Variants in WDR49 observed in about 807,000 individuals in gnomAD.
WDR49 encodes the protein cilia- and flagella-associated protein 337.
In WDR49, 107 loss-of-function variants were observed where a neutral mutation model predicts 119.5. The ratio of observed to expected loss-of-function variants is 0.90; its 90% CI spans 0.77 to 1.05. The LOEUF (loss-of-function observed/expected upper bound fraction) is 1.05. WDR49 is among the 50% of genes least tolerant of loss of function. The pLI, the probability that WDR49 is intolerant of heterozygous loss-of-function variation, is 0.00. For synonymous variants in WDR49, 425 were observed against 418.8 expected (o/e 1.01, Z -0.18); for missense variants, 1,240 against 1,220.5 (o/e 1.02, Z -0.24).
chr3:167,609,767 C>T (rs916602219), intron 5 of WDR49, among the ~76,000 whole-genome samples: 8 of 152,160 alleles, frequency 5.3e-5, no homozygotes, highest in South Asian at 2.1e-4. Context: ...GCACAGCTCA[C>T]GGCTCCAAAA....
chr3:167,613,191 C>T (rs1324366227), intron 5 of WDR49, among the ~76,000 whole-genome samples: 1 of 152,130 alleles, frequency 6.6e-6, no homozygotes, highest in Non-Finnish European at 1.5e-5. Context: ...TGTATCCACA[C>T]ACACAAGAAA....
chr3:167,560,269 C>A, intron 8 of WDR49, 41 bp from the exon 9 acceptor site: 1 of 1,561,230 alleles, frequency 6.4e-7, no homozygotes. Context: ...AATATAGTCT[C>A]AGAATCAACC....
At chr3:167,599,059 G>A (rs116502977) in intron 7 of WDR49, among the ~76,000 whole-genome samples, 2 of 152,102 alleles carry the variant, frequency 1.3e-5, no homozygotes, top group Non-Finnish European at 2.9e-5. Context: ...ACTGGGTCTT[G>A]CCAAAAGCCT....
intron 10 of WDR49, among the ~76,000 whole-genome samples, chr3:167,537,664 G>A (rs891986897): frequency 1.3e-5 from 2 of 152,086 alleles, no homozygotes; most frequent in Admixed American, 1.3e-4. Context: ...GACAGGATGG[G>A]CAAAGAATGA....
chr3:167,487,839 CCAGT>C (rs1215714798), intron 18 of WDR49, among the ~76,000 whole-genome samples: 7 of 151,920 alleles, frequency 4.6e-5, no homozygotes, highest in Non-Finnish European at 1.0e-4. Flanking sequence ...CCTTCTCACA[CCAGT>C]CAAAATGGCT....
chr3:167,644,490 A>G (rs147765943), intron 2 of WDR49, among the ~76,000 whole-genome samples: 1 of 152,218 alleles, frequency 6.6e-6, no homozygotes, highest in Non-Finnish European at 1.5e-5. Flanking sequence ...CTGAACATCA[A>G]ATCTTGGGCA....
intron 3 of WDR49, among the ~76,000 whole-genome samples, chr3:167,624,381 A>C (rs1717025613): frequency 6.6e-6 from 1 of 151,910 alleles, no homozygotes; most frequent in Non-Finnish European, 1.5e-5. Flanking sequence ...GAGTACACAC[A>C]GTATGGTACC....
At chr3:167,652,204 A>C (rs1272798790) in intron 2 of WDR49, among the ~76,000 whole-genome samples, 1 of 152,186 alleles carries the variant, frequency 6.6e-6, no homozygotes, top group Non-Finnish European at 1.5e-5. Context: ...ACTAAATATG[A>C]TAAGTTCTAT....
At chr3:167,592,688 C>A (rs1332692687) in intron 7 of WDR49, among the ~76,000 whole-genome samples, 1 of 152,126 alleles carries the variant, frequency 6.6e-6, no homozygotes, top group Non-Finnish European at 1.5e-5. Context: ...CCACGTCAGT[C>A]TCCCAAAGTG....
At chr3:167,608,738 A>G (rs1716183108) in intron 5 of WDR49, among the ~76,000 whole-genome samples, 2 of 152,230 alleles carry the variant, frequency 1.3e-5, no homozygotes, top group African/African-American at 4.8e-5. Context: ...CAAGCTAAGG[A>G]ATAGGATGAG....
chr3:167,575,986 C>A lies in WDR49; in HGVS notation c.1441G>T (p.Ala481Ser). The part of the protein sequence containing the change: ...QLALLAMKSE[A>S]SKRVKSHEKA... The stretch of plus-strand genomic sequence containing the variant: ...TCATGGCTTTTCACCCTCTTGCTGG[C>A]TTCACTTTTCATTGCCAACAATGCT... The change falls in exon 8 of 19, where the codon GCC becomes TCC. Residue 481 changes from alanine (A) to serine (S), a missense_variant. By Grantham distance (99) the Ala-to-Ser change is moderately conservative. Transcript: ENST00000682715. 1.2e-6 allele frequency: 2 copies of A among 1,614,120 alleles called. No individual in the cohort carries two copies. The highest frequency in any genetic ancestry group is 1.7e-6 in the Non-Finnish European group (2 of 1,180,006).
intron 15 of WDR49, among the ~76,000 whole-genome samples, chr3:167,525,089 C>A (rs1009446987): frequency 6.6e-5 from 10 of 151,794 alleles, no homozygotes; most frequent in Admixed American, 2.0e-4. Flanking sequence ...CCTTGAGCAA[C>A]GATTTGTAGT....
At position 167,597,212 on chromosome 3, in the gene WDR49, T is replaced by G. The variant is rs1227157079; in HGVS notation, c.1275+4915A>C. Among the ~76,000 whole-genome samples the G allele has an allele frequency of 3.3e-5, 5 of 152,258 alleles. No homozygotes were observed. The East Asian group carries it at 9.7e-4, about 29-fold the overall frequency. ...CATCCCAGCTGCTCCAGCTCCAGCC[T>G]TAGCTAAAAGGGGCCAAGGTACAGC... On this transcript the variant is annotated intron_variant, in intron 7 of 18. Transcript: ENST00000682715.
intron 10 of WDR49, among the ~76,000 whole-genome samples, chr3:167,538,345 T>C (rs1313377392): frequency 6.6e-6 from 1 of 152,160 alleles, no homozygotes; most frequent in Non-Finnish European, 1.5e-5. Flanking sequence ...TAGACCAACA[T>C]TCCAGCCTCT....
intron 18 of WDR49, among the ~76,000 whole-genome samples, chr3:167,496,047 T>C (rs922033276): frequency 1.3e-5 from 2 of 152,062 alleles, no homozygotes; most frequent in Non-Finnish European, 2.9e-5. Context: ...AGAAATTCTG[T>C]AGAAAATTCT....
intron 5 of WDR49, among the ~76,000 whole-genome samples, chr3:167,612,278 G>T (rs1352426064): frequency 6.6e-6 from 1 of 151,840 alleles, no homozygotes; most frequent in Non-Finnish European, 1.5e-5. Context: ...AAAATTACTG[G>T]AAACAAATGA....
rs547751684 is a variant in WDR49 at position 167,514,070 on chromosome 3, G to A, written c.2774+8245C>T. 7.9e-5 allele frequency among the ~76,000 whole-genome samples: 12 copies of A among 152,258 alleles called. No homozygotes were observed. The South Asian group carries it at 2.5e-3, about 32-fold the overall frequency. On this transcript the variant is annotated intron_variant, in intron 16 of 18. Transcript: ENST00000682715. ...AGATATCGAGACAGAAAGTGTAAAA[G>A]ATATTCAGGGCTTGAACTCAGCTCT...
intron 5 of WDR49, among the ~76,000 whole-genome samples, chr3:167,611,418 A>T (rs1416773127): frequency 6.6e-6 from 1 of 152,182 alleles, no homozygotes; most frequent in East Asian, 1.9e-4. Context: ...AGGAGGAAAG[A>T]GAGAAGGAAG....
chr3:167,525,584 C>T (rs1387855255), intron 15 of WDR49, among the ~76,000 whole-genome samples: 2 of 152,086 alleles, frequency 1.3e-5, no homozygotes, highest in Non-Finnish European at 2.9e-5. Context: ...TACATAAATT[C>T]TGCCTAGCAC....
Sources: allele counts gnomAD v4.1 joint callset (sites outside exome capture counted in the v4.1 genomes callset), GRCh38; gene constraint gnomAD v4.1.1; transcripts MANE v1.5; gene names NCBI Gene and HGNC (gene_info 2026-07-23, HGNC 2026-07-21).